ARHGAP6: variants seen among roughly 807,000 people sequenced by gnomAD.
ARHGAP6 encodes rho GTPase-activating protein 6.
A neutral mutation model predicts 55.7 loss-of-function variants in ARHGAP6; 16 were observed. The observed-to-expected ratio is 0.29, with a 90% confidence interval of 0.19 to 0.44. ARHGAP6 has a LOEUF of 0.44. Ranked by LOEUF, ARHGAP6 falls within the 20% of genes least tolerant of loss-of-function variation. The pLI, the probability that ARHGAP6 is intolerant of heterozygous loss-of-function variation, is 1.00. For synonymous variants in ARHGAP6, 382 were observed against 360.9 expected (o/e 1.06, Z -0.66); for missense variants, 698 against 808.9 (o/e 0.86, Z 1.66).
At chrX:11,446,891 T>C (rs1373901211) in intron 1 of ARHGAP6, among the ~76,000 whole-genome samples, 1 of 111,954 alleles carries the variant, frequency 8.9e-6, no homozygotes, top group African/African-American at 3.2e-5. Flanking sequence ...AGAGATTTTT[T>C]TTGGCCAGGC....
intron 1 of ARHGAP6, among the ~76,000 whole-genome samples, chrX:11,541,119 TAC>T (rs1428688738): frequency 3.6e-5 from 4 of 112,161 alleles, no homozygotes; most frequent in Non-Finnish European, 7.5e-5. Flanking sequence ...AACAGCTTGT[TAC>T]ACACAGTTCC....
intron 1 of ARHGAP6, among the ~76,000 whole-genome samples, chrX:11,586,189 T>A (rs151113213): frequency 0.023 from 2,558 of 112,135 alleles, 77 homozygotes; most frequent in African/African-American, 0.078. Flanking sequence ...CTCATTAGTT[T>A]GTCAATTTTT....
chrX:11,603,402 G>T (rs998600030), intron 1 of ARHGAP6, among the ~76,000 whole-genome samples: 2 of 111,723 alleles, frequency 1.8e-5, no homozygotes, highest in Admixed American at 9.5e-5. Context: ...ACAAAACAAG[G>T]TACAAAATAA....
At chrX:11,371,783 T>A (rs908068327) in intron 1 of ARHGAP6, among the ~76,000 whole-genome samples, 5 of 112,508 alleles carry the variant, frequency 4.4e-5, no homozygotes, top group Non-Finnish European at 9.4e-5. Flanking sequence ...AAATAAATAC[T>A]AGTACTTGAG....
At chrX:11,401,372 A>G (rs1295210141) in intron 1 of ARHGAP6, among the ~76,000 whole-genome samples, 2 of 111,928 alleles carry the variant, frequency 1.8e-5, no homozygotes, top group Non-Finnish European at 3.8e-5. Flanking sequence ...AAGACATAAT[A>G]AACTCTAGAA....
chrX:11,419,416 G>T (rs906013358), intron 1 of ARHGAP6, among the ~76,000 whole-genome samples: 40 of 112,364 alleles, frequency 3.6e-4, no homozygotes, highest in African/African-American at 1.3e-3. Flanking sequence ...TTAAGACCGT[G>T]TTTTGCATTT....
intron 1 of ARHGAP6, among the ~76,000 whole-genome samples, chrX:11,337,110 T>C (rs1188960062): frequency 9.0e-6 from 1 of 110,578 alleles, no homozygotes; most frequent in East Asian, 2.8e-4. Context: ...CCTGGGAATA[T>C]TCCTACTTGG....
chrX:11,329,851 T>C (rs1352780042), intron 1 of ARHGAP6, among the ~76,000 whole-genome samples: 1 of 112,634 alleles, frequency 8.9e-6, no homozygotes, highest in Non-Finnish European at 1.9e-5. Context: ...CTATACTGAA[T>C]ACTGTAGGTA....
intron 1 of ARHGAP6, among the ~76,000 whole-genome samples, chrX:11,354,262 A>AAG: frequency 1.3e-5 from 1 of 76,281 alleles, no homozygotes; most frequent in African/African-American, 5.1e-5. Context: ...GGCACATGGA[A>AAG]AGAGCTCTCT....
At chrX:11,607,204 C>T (rs2052045765) in intron 1 of ARHGAP6, among the ~76,000 whole-genome samples, 1 of 112,144 alleles carries the variant, frequency 8.9e-6, no homozygotes, top group African/African-American at 3.2e-5. Context: ...ATTTTGACAA[C>T]TTACAATTCT....
chrX:11,364,177 GAAC>G (rs1327868844), intron 1 of ARHGAP6, among the ~76,000 whole-genome samples: 1 of 110,231 alleles, frequency 9.1e-6, no homozygotes, highest in Non-Finnish European at 1.9e-5. Flanking sequence ...ACAAAGAAGG[GAAC>G]AACAGACACC....
At chrX:11,650,057 C>T (rs1023389380) in intron 1 of ARHGAP6, among the ~76,000 whole-genome samples, 4 of 103,610 alleles carry the variant, frequency 3.9e-5, no homozygotes, top group Non-Finnish European at 5.9e-5. Context: ...TGCAATGGCA[C>T]GATCATGGTT....
At chrX:11,541,630 C>T (rs1170686662) in intron 1 of ARHGAP6, among the ~76,000 whole-genome samples, 4 of 111,882 alleles carry the variant, frequency 3.6e-5, no homozygotes, top group African/African-American at 9.7e-5. Flanking sequence ...CAGGATTAAC[C>T]ATTCAGAGGT....
At chrX:11,461,974 T>G (rs999625062) in intron 1 of ARHGAP6, among the ~76,000 whole-genome samples, 1 of 112,005 alleles carries the variant, frequency 8.9e-6, no homozygotes, top group Non-Finnish European at 1.9e-5. Context: ...CAATAGCATC[T>G]CTGGAAGTCA....
intron 1 of ARHGAP6, among the ~76,000 whole-genome samples, chrX:11,590,869 G>GAAAAGAAAGAAGGAAAGAAA (rs2051813205): frequency 8.7e-4 from 21 of 24,223 alleles, no homozygotes; most frequent in Admixed American, 5.2e-3. Context: ...AAGAAAAGAA[G>GAAAAGAAAGAAGGAAAGAAA]GAAAGAAAGA....
At chrX:11,500,590 G>A (rs188060856) in intron 1 of ARHGAP6, among the ~76,000 whole-genome samples, 2 of 103,836 alleles carry the variant, frequency 1.9e-5, no homozygotes, top group East Asian at 6.2e-4. Flanking sequence ...GAACCTAGGA[G>A]GTGAATGTTT....
chrX:11,406,942 C>A (rs1316199707), intron 1 of ARHGAP6, among the ~76,000 whole-genome samples: 1 of 109,710 alleles, frequency 9.1e-6, no homozygotes, highest in African/African-American at 3.3e-5. Flanking sequence ...CCATGCATGT[C>A]TAGCATTGCT....
intron 8 of ARHGAP6, among the ~76,000 whole-genome samples, chrX:11,173,114 G>A (rs1251817497): frequency 1.8e-5 from 2 of 112,090 alleles, no homozygotes; most frequent in African/African-American, 6.5e-5. Flanking sequence ...AGAAAGAAGC[G>A]AAGCTGGTGG....
rs2051727167 is a variant in ARHGAP6 at position 11,585,853 on chromosome X, T to C, written c.588+78388A>G. Among the ~76,000 whole-genome samples, 3 of 111,723 alleles carry C rather than the reference T, an allele frequency of 2.7e-5. No individual in the cohort carries two copies. The East Asian group carries it at 8.5e-4, about 32-fold the overall frequency. Reference sequence around the variant, plus strand: ...GGAGGCCTCAGGGAACCTATAATCATGGCAGAAGGCGAAGGGTGAAGCCTT... The same window carrying C: ...GGAGGCCTCAGGGAACCTATAATCACGGCAGAAGGCGAAGGGTGAAGCCTT... On this transcript the variant is annotated intron_variant, in intron 1 of 12. Coordinates refer to ENST00000337414, the MANE Select transcript of ARHGAP6 (RefSeq NM_013427.3).
Sources: gnomAD v4.1 joint callset for allele counts (sites outside exome capture counted in the v4.1 genomes callset) on GRCh38, gnomAD v4.1.1 for gene constraint, MANE v1.5 for transcripts, NCBI Gene and HGNC (gene_info 2026-07-23, HGNC 2026-07-21) for gene names.